Variants in SMYD3 observed in about 807,000 individuals in gnomAD.
The protein encoded by SMYD3 is histone-lysine N-methyltransferase SMYD3.
Under a neutral mutation model 57.7 loss-of-function variants are expected in SMYD3, and 36 were observed. The ratio of observed to expected loss-of-function variants is 0.62; its 90% CI spans 0.48 to 0.82. The LOEUF is 0.82. SMYD3 is among the 40% of genes least tolerant of loss of function. The pLI, the probability that SMYD3 is intolerant of heterozygous loss-of-function variation, is 0.00. For synonymous variants in SMYD3, 211 were observed against 195.0 expected, an observed-to-expected ratio of 1.08 and a Z score of -0.68; for missense variants, 515 against 538.8, an observed-to-expected ratio of 0.96 and a Z score of 0.44.
chr1:245,911,522 TAC>T (rs1159054520), intron 8 of SMYD3, among the ~76,000 whole-genome samples: 1 of 150,398 alleles, frequency 6.6e-6, no homozygotes. Context: ...CACACACATA[TAC>T]ACACACACAC....
intron 5 of SMYD3, among the ~76,000 whole-genome samples, chr1:246,270,706 T>C (rs2064204348): frequency 1.3e-5 from 2 of 152,220 alleles, no homozygotes. Flanking sequence ...ATGTACCACA[T>C]TTTGTTTTCA....
In SMYD3 at chr1:245,989,075, T is replaced by A. The variant is rs937041387; in HGVS notation, c.532-59138A>T. Among the ~76,000 whole-genome samples the A allele has an allele frequency of 2.0e-5, 3 of 152,204 alleles. No homozygotes were observed. The South Asian group carries it at 6.2e-4, about 32-fold the overall frequency. On this transcript the variant is annotated intron_variant, in intron 5 of 11. Coordinates refer to ENST00000490107, the MANE Select transcript of SMYD3 (RefSeq NM_001167740.2). ...TTATCCAGAATCCCCTGGCTGGGAG[T>A]GGTGAGATGTAACCACTTAGATCAT...
chr1:246,286,389 C>T (rs530158822), intron 5 of SMYD3, among the ~76,000 whole-genome samples: 24 of 152,124 alleles, frequency 1.6e-4, no homozygotes, highest in Non-Finnish European at 2.8e-4. Flanking sequence ...CCCATCAATG[C>T]CTCTTAAAAA....
chr1:246,036,358 G>A (rs1052733818), intron 5 of SMYD3, among the ~76,000 whole-genome samples: 6 of 152,086 alleles, frequency 3.9e-5, no homozygotes, highest in Admixed American at 1.3e-4. Flanking sequence ...ACAACAGGAT[G>A]ACCATCCCCC....
chr1:246,400,176 T>C (rs1183931589), intron 1 of SMYD3, among the ~76,000 whole-genome samples: 1 of 152,236 alleles, frequency 6.6e-6, no homozygotes, highest in African/African-American at 2.4e-5. Context: ...GTTTAACAGG[T>C]CACTCGTTCA....
chr1:246,045,422 T>C (rs2059946779), intron 5 of SMYD3, among the ~76,000 whole-genome samples: 1 of 152,140 alleles, frequency 6.6e-6, no homozygotes, highest in Admixed American at 6.5e-5. Context: ...GAAAACTGGC[T>C]AGCCATATGT....
chr1:246,170,362 T>G (rs1229141211), intron 5 of SMYD3, among the ~76,000 whole-genome samples: 1 of 151,812 alleles, frequency 6.6e-6, no homozygotes, highest in Non-Finnish European at 1.5e-5. Flanking sequence ...TGCATGTAGC[T>G]TCCCTTTACA....
chr1:246,178,793 C>A (rs373593057), intron 5 of SMYD3: 45 of 151,732 alleles, frequency 3.0e-4, no homozygotes, highest in African/African-American at 1.0e-3. Flanking sequence ...CTACGCTAGC[C>A]AGAAGGGAAA....
chr1:245,765,084 A>C (rs2046023244), intron 10 of SMYD3, among the ~76,000 whole-genome samples: 2 of 150,946 alleles, frequency 1.3e-5, no homozygotes, highest in Admixed American at 6.6e-5. Context: ...ACACAAAACC[A>C]CAGTTTAAAT....
chr1:245,936,991 C>T (rs1470777550), intron 5 of SMYD3, among the ~76,000 whole-genome samples: 4 of 152,286 alleles, frequency 2.6e-5, no homozygotes, highest in Non-Finnish European at 4.4e-5. Context: ...TACAAATTCA[C>T]TTTGTAATAC....
intron 8 of SMYD3, among the ~76,000 whole-genome samples, chr1:245,884,769 G>A (rs2052987968): frequency 6.6e-6 from 1 of 151,330 alleles, no homozygotes; most frequent in South Asian, 2.1e-4. Context: ...TCAGCGCTCT[G>A]TGTCTAGCTA....
At chr1:245,930,320 C>T (rs1045742707) in intron 5 of SMYD3, 4 of 360,496 alleles carry the variant, frequency 1.1e-5, no homozygotes, top group Non-Finnish European at 1.6e-5. Flanking sequence ...ACGATTTTTT[C>T]AAACTGCATG....
chr1:246,055,645 A>G (rs546300604), intron 5 of SMYD3, among the ~76,000 whole-genome samples: 1 of 152,336 alleles, frequency 6.6e-6, no homozygotes, highest in Admixed American at 6.5e-5. Flanking sequence ...AATGTGGTAT[A>G]TACATACAAT....
At chr1:245,978,318 T>C (rs2058502904) in intron 5 of SMYD3, among the ~76,000 whole-genome samples, 1 of 152,186 alleles carries the variant, frequency 6.6e-6, no homozygotes. Flanking sequence ...CAGTAGGCGC[T>C]CAAAAAACTT....
intron 5 of SMYD3, among the ~76,000 whole-genome samples, chr1:246,105,238 C>T (rs891257039): frequency 6.7e-6 from 1 of 148,446 alleles, no homozygotes; most frequent in Non-Finnish European, 1.5e-5. Context: ...CTAAAATGCA[C>T]AGATGGGCCC....
intron 10 of SMYD3, among the ~76,000 whole-genome samples, chr1:245,778,555 C>A (rs535388735): frequency 9.6e-4 from 146 of 152,294 alleles, no homozygotes; most frequent in Non-Finnish European, 1.4e-3. Context: ...TAATGTTGAA[C>A]ATCTTTTCAT....
chr1:245,813,297 G>GCCAC (rs2048601811), intron 10 of SMYD3, among the ~76,000 whole-genome samples: 1 of 152,128 alleles, frequency 6.6e-6, no homozygotes, highest in South Asian at 2.1e-4. Context: ...ACAGGCATGA[G>GCCAC]CCACCGCACC....
intron 10 of SMYD3, among the ~76,000 whole-genome samples, chr1:245,777,299 G>C (rs962392033): frequency 9.9e-5 from 15 of 152,156 alleles, no homozygotes; most frequent in African/African-American, 3.6e-4. Flanking sequence ...AAAGTAATTA[G>C]TAGTTCTTGT....
intron 1 of SMYD3, among the ~76,000 whole-genome samples, chr1:246,470,434 TGCAGTGCC>T: frequency 6.6e-6 from 1 of 151,374 alleles, no homozygotes; most frequent in Non-Finnish European, 1.5e-5. Context: ...AGGCGGAGGT[TGCAGTGCC>T]CAAGATCACA....
Sources: gnomAD v4.1 joint callset for allele counts (sites outside exome capture counted in the v4.1 genomes callset) on GRCh38, gnomAD v4.1.1 for gene constraint, MANE v1.5 for transcripts, NCBI Gene and HGNC (gene_info 2026-07-23, HGNC 2026-07-21) for gene names.